The following ANKS1B variants were observed in gnomAD, a reference collection of about 807,000 sequenced individuals.
The protein encoded by ANKS1B is ankyrin repeat and sterile alpha motif domain-containing protein 1B.
A neutral mutation model predicts 148.3 loss-of-function variants in ANKS1B; 36 were observed. That is an observed-to-expected ratio of 0.24 (90% CI 0.19 to 0.32). The LOEUF is 0.32. ANKS1B is among the 10% of genes least tolerant of loss of function. The pLI is 1.00. For synonymous variants in ANKS1B, 542 were observed against 560.8 expected (o/e 0.97, Z 0.47); for missense variants, 1,157 against 1,542.6 (o/e 0.75, Z 4.19).
intron 9 of ANKS1B, among the ~76,000 whole-genome samples, chr12:99,615,167 T>A (rs954068994): frequency 2.0e-5 from 3 of 150,562 alleles, no homozygotes; most frequent in Non-Finnish European, 4.4e-5. Context: ...GGTAGGCAGA[T>A]AGATTACACA....
chr12:99,369,140 A>T (rs139257271), intron 12 of ANKS1B, among the ~76,000 whole-genome samples: 1 of 152,252 alleles, frequency 6.6e-6, no homozygotes, highest in Non-Finnish European at 1.5e-5. Context: ...AAAGTGATAA[A>T]ATTTAGCATG....
chr12:99,705,621 A>C (rs2055623568), intron 8 of ANKS1B, among the ~76,000 whole-genome samples: 1 of 152,148 alleles, frequency 6.6e-6, no homozygotes, highest in Admixed American at 6.6e-5. Context: ...GGACAGAATA[A>C]AGACATTTGC....
intron 1 of ANKS1B, among the ~76,000 whole-genome samples, chr12:99,939,341 C>G (rs981727923): frequency 6.6e-6 from 1 of 152,146 alleles, no homozygotes; most frequent in East Asian, 1.9e-4. Flanking sequence ...CCTCCCACCT[C>G]AGCCTCCCAA....
At chr12:98,776,192 G>C (rs1391424054) in intron 24 of ANKS1B, among the ~76,000 whole-genome samples, 1 of 152,244 alleles carries the variant, frequency 6.6e-6, no homozygotes, top group African/African-American at 2.4e-5. Flanking sequence ...TACAGTTGTA[G>C]ACTGTATGGA....
chr12:99,737,439 G>A (rs2059715019), intron 8 of ANKS1B, among the ~76,000 whole-genome samples: 1 of 152,032 alleles, frequency 6.6e-6, no homozygotes, highest in African/African-American at 2.4e-5. Context: ...GACATACAAA[G>A]ACAAACATAA....
At position 99,121,321 on chromosome 12, in the gene ANKS1B, A is replaced by ATGTGTGTGTGTGTG. The variant is rs57560069; in HGVS notation, c.2526+32954_2526+32967dup. 2.0e-3 allele frequency among the ~76,000 whole-genome samples: 290 copies of ATGTGTGTGTGTGTG among 142,854 alleles called. 2 individuals carry two copies. The highest frequency in any genetic ancestry group is 3.2e-3 in the African/African-American group (124 of 38,298). The allele number at this position is 142,854 out of a possible 152,430, so 93.7% of individuals were successfully genotyped here. On this transcript the variant is annotated intron_variant, in intron 15 of 26. Coordinates refer to ENST00000683438, the MANE Select transcript of ANKS1B (RefSeq NM_001352186.2). ...GTTTTAACAGTGTGTGTATGTAGGTATGTGTGTGTGTGTGTGTGTGTGTGT... is the reference window on the plus strand; with the variant it reads ...GTTTTAACAGTGTGTGTATGTAGGTATGTGTGTGTGTGTGTGTGTGTGTGTGTGTGTGTGTGTGT...
At chr12:98,954,920 C>G (rs562504159) in intron 17 of ANKS1B, among the ~76,000 whole-genome samples, 2 of 152,076 alleles carry the variant, frequency 1.3e-5, no homozygotes, top group Admixed American at 1.3e-4. Context: ...CCTTCCCTCC[C>G]TCCCTCCCTC....
In ANKS1B at chr12:98,745,527, T is replaced by A; in HGVS notation, c.*212A>T. 3.8e-6 allele frequency: 5 copies of A among 1,322,224 alleles called. No homozygotes were observed. In the South Asian group the frequency reaches 8.5e-5, roughly 22 times the overall value. 81.9% of individuals were successfully genotyped at this position (1,322,224 alleles called of 1,614,324 possible). ...GGGAAAACCCATCTCAACTCACGCC[T>A]CTCAGGGGTTGCGACTGGAAAGTCT... is the stretch of plus-strand genomic sequence containing the variant. On this transcript the variant is annotated 3_prime_UTR_variant, in exon 27 of 27. Transcript: ENST00000683438.
At chr12:99,587,575 G>C (rs973930022) in intron 9 of ANKS1B, among the ~76,000 whole-genome samples, 2 of 152,120 alleles carry the variant, frequency 1.3e-5, no homozygotes, top group Non-Finnish European at 2.9e-5. Flanking sequence ...ATTTACTTGT[G>C]ACTTCAGTAA....
intron 8 of ANKS1B, among the ~76,000 whole-genome samples, chr12:99,757,495 G>A (rs2061679084): frequency 6.6e-6 from 1 of 152,068 alleles, no homozygotes; most frequent in Non-Finnish European, 1.5e-5. Context: ...TGGTGGGAGT[G>A]TAAATTAGTT....
At chr12:99,670,401 C>A (rs1567608911) in intron 8 of ANKS1B, among the ~76,000 whole-genome samples, 1 of 152,018 alleles carries the variant, frequency 6.6e-6, no homozygotes, top group Non-Finnish European at 1.5e-5. Flanking sequence ...AATACACATA[C>A]CTTTTACAAC....
chr12:99,814,313 G>C (rs2068821835), intron 2 of ANKS1B, among the ~76,000 whole-genome samples: 1 of 151,468 alleles, frequency 6.6e-6, no homozygotes, highest in Admixed American at 6.6e-5. Flanking sequence ...CTCAAAACTG[G>C]TAATAGCATT....
intron 14 of ANKS1B, among the ~76,000 whole-genome samples, chr12:99,160,464 G>A (rs376178521): frequency 4.0e-5 from 6 of 149,336 alleles, no homozygotes; most frequent in South Asian, 4.2e-4. Flanking sequence ...TCAGCCTCCC[G>A]AGTAGCTGGA....
chr12:99,602,938 A>G (rs957935517), intron 9 of ANKS1B, among the ~76,000 whole-genome samples: 4 of 152,082 alleles, frequency 2.6e-5, no homozygotes, highest in African/African-American at 9.7e-5. Context: ...CTCTATACGC[A>G]CTTTCATTTC....
chr12:99,195,510 T>TAA (rs1472542678), intron 14 of ANKS1B, among the ~76,000 whole-genome samples: 1 of 152,050 alleles, frequency 6.6e-6, no homozygotes, highest in African/African-American at 2.4e-5. Flanking sequence ...CTATAAAAGT[T>TAA]ACTTAAGAAA....
In ANKS1B at chr12:99,961,747, A is replaced by C. The variant is rs552885507; in HGVS notation, c.134+22357T>G. Among the ~76,000 whole-genome samples, 379 of 152,332 alleles carry C rather than the reference A, an allele frequency of 2.5e-3. 3 individuals are homozygous for C. The highest frequency in any genetic ancestry group is 4.1e-3 in the Non-Finnish European group (279 of 68,034). ...TTGTGGAGAAAATAGGTATCTATCC[A>C]TCCCAAGAGTCAAGAGTTTTGGAGG... On this transcript the variant is annotated intron_variant, in intron 1 of 26. Coordinates refer to ENST00000683438, the MANE Select transcript of ANKS1B (RefSeq NM_001352186.2).
At chr12:99,241,326 C>G (rs960918204) in intron 14 of ANKS1B, among the ~76,000 whole-genome samples, 3 of 152,166 alleles carry the variant, frequency 2.0e-5, no homozygotes, top group Admixed American at 2.0e-4. Flanking sequence ...TGGACACATA[C>G]ACCTTCCCAA....
intron 14 of ANKS1B, among the ~76,000 whole-genome samples, chr12:99,238,504 C>T (rs1399202516): frequency 1.3e-5 from 2 of 152,200 alleles, no homozygotes; most frequent in Admixed American, 6.5e-5. Context: ...AGGCAGCAGA[C>T]AGTTTCTGCA....
intron 11 of ANKS1B, among the ~76,000 whole-genome samples, chr12:99,418,504 AGT>A (rs1195716313): frequency 6.6e-6 from 1 of 152,158 alleles, no homozygotes; most frequent in African/African-American, 2.4e-5. Flanking sequence ...CTCACTTATT[AGT>A]CACAGGAGTG....
Sources: allele counts gnomAD v4.1 joint callset (sites outside exome capture counted in the v4.1 genomes callset), GRCh38; gene constraint gnomAD v4.1.1; transcripts MANE v1.5; gene names NCBI Gene and HGNC (gene_info 2026-07-23, HGNC 2026-07-21).